Variants in FYB2 observed in about 807,000 individuals in gnomAD.
FYB2 encodes the protein FYN-binding protein 2.
Under a neutral mutation model 94.1 loss-of-function variants are expected in FYB2, and 103 were observed. The observed-to-expected ratio is 1.09, with a 90% CI of 0.93 to 1.29. FYB2 has a LOEUF of 1.29. Ranked by LOEUF, FYB2 falls within the 50% of genes most tolerant of loss-of-function variation. The pLI is 0.00. For missense variants in FYB2, 896 were observed against 841.5 expected, an observed-to-expected ratio of 1.06 and a Z score of -0.80; for synonymous variants, 293 against 287.9, an observed-to-expected ratio of 1.02 and a Z score of -0.18.
intron 12 of FYB2, among the ~76,000 whole-genome samples, chr1:56,741,516 G>T (rs949481241): frequency 6.6e-6 from 1 of 151,944 alleles, no homozygotes; most frequent in Non-Finnish European, 1.5e-5. Context: ...GGGCCTTTAG[G>T]GGGTAGAGTG....
At chr1:56,772,723 A>G (rs1221987904) in intron 4 of FYB2, among the ~76,000 whole-genome samples, 1 of 152,124 alleles carries the variant, frequency 6.6e-6, no homozygotes, top group East Asian at 1.9e-4. Flanking sequence ...CTGGGTAAAT[A>G]CCTTAAGCCT....
intron 9 of FYB2, among the ~76,000 whole-genome samples, chr1:56,745,710 T>C (rs370407992): frequency 1.3e-5 from 2 of 152,034 alleles, no homozygotes; most frequent in African/African-American, 4.8e-5. Context: ...AAAATGCAAA[T>C]CAGGTCATGC....
chr1:56,783,770 C>T (rs1395211556), intron 4 of FYB2, among the ~76,000 whole-genome samples: 1 of 151,984 alleles, frequency 6.6e-6, no homozygotes, highest in African/African-American at 2.4e-5. Context: ...AAATGTTTGG[C>T]CCATAGTGGA....
chr1:56,731,548 A>G (rs1022496578), intron 15 of FYB2, among the ~76,000 whole-genome samples: 1 of 151,918 alleles, frequency 6.6e-6, no homozygotes, highest in African/African-American at 2.4e-5. Flanking sequence ...GGCTGGGGAG[A>G]TTTCAGCTCA....
chr1:56,774,862 G>T (rs532099400), intron 4 of FYB2, among the ~76,000 whole-genome samples: 1 of 152,146 alleles, frequency 6.6e-6, no homozygotes, highest in East Asian at 1.9e-4. Flanking sequence ...GAGTCTTCTG[G>T]CCTCTATCTT....
At chr1:56,744,993 A>G (rs1488337277) in intron 9 of FYB2, among the ~76,000 whole-genome samples, 2 of 152,062 alleles carry the variant, frequency 1.3e-5, no homozygotes, top group Non-Finnish European at 2.9e-5. Context: ...GGTATCTATT[A>G]ATTAAATGAA....
intron 1 of FYB2, among the ~76,000 whole-genome samples, chr1:56,814,182 C>T (rs1406386885): frequency 6.6e-6 from 1 of 152,166 alleles, no homozygotes; most frequent in Non-Finnish European, 1.5e-5. Flanking sequence ...GGCTAGGAAA[C>T]TGGAACATGA....
At chr1:56,739,359 C>G (rs1217568531) in intron 13 of FYB2, among the ~76,000 whole-genome samples, 1 of 152,028 alleles carries the variant, frequency 6.6e-6, no homozygotes, top group African/African-American at 2.4e-5. Flanking sequence ...GCTGACCACA[C>G]TCCCTCTTCT....
At chr1:56,765,714 C>T (rs1025632541) in intron 5 of FYB2, among the ~76,000 whole-genome samples, 3 of 152,104 alleles carry the variant, frequency 2.0e-5, no homozygotes, top group Non-Finnish European at 4.4e-5. Flanking sequence ...CTGACATATT[C>T]GAGGCAAGAA....
intron 1 of FYB2, among the ~76,000 whole-genome samples, chr1:56,795,190 T>A (rs969744684): frequency 6.6e-6 from 1 of 152,128 alleles, no homozygotes; most frequent in Non-Finnish European, 1.5e-5. Flanking sequence ...TGTCTCTGAA[T>A]TTGACTATTC....
intron 1 of FYB2, among the ~76,000 whole-genome samples, chr1:56,817,557 CT>C (rs1252381512): frequency 6.6e-6 from 1 of 152,194 alleles, no homozygotes; most frequent in African/African-American, 2.4e-5. Flanking sequence ...AGGCAGGTAT[CT>C]TCAACCGTTT....
intron 15 of FYB2, among the ~76,000 whole-genome samples, chr1:56,727,452 C>T (rs1186970746): frequency 2.0e-5 from 3 of 151,824 alleles, no homozygotes; most frequent in Admixed American, 2.0e-4. Flanking sequence ...TACTTATCAA[C>T]AATCGAATGG....
intron 1 of FYB2, among the ~76,000 whole-genome samples, chr1:56,796,404 C>T (rs1454791030): frequency 6.6e-6 from 1 of 152,092 alleles, no homozygotes; most frequent in African/African-American, 2.4e-5. Context: ...ATCCCCAAAT[C>T]CCACTGATCT....
At chr1:56,780,620 A>G (rs1399014690) in intron 4 of FYB2, among the ~76,000 whole-genome samples, 3 of 152,164 alleles carry the variant, frequency 2.0e-5, no homozygotes, top group African/African-American at 7.2e-5. Context: ...ACTGTACTTC[A>G]TGGGTGGTTG....
chr1:56,762,505 TTTCAA>T (rs1442009887), intron 5 of FYB2, among the ~76,000 whole-genome samples: 1 of 152,210 alleles, frequency 6.6e-6, no homozygotes, highest in Non-Finnish European at 1.5e-5. Flanking sequence ...ATGATATATT[TTTCAA>T]TTTCAGTATT....
At chr1:56,780,848 A>C (rs1418507996) in intron 4 of FYB2, among the ~76,000 whole-genome samples, 1 of 152,206 alleles carries the variant, frequency 6.6e-6, no homozygotes, top group Non-Finnish European at 1.5e-5. Flanking sequence ...AAAAGGGATA[A>C]TAAGAAATTA....
At chr1:56,778,830 A>G (rs1162454239) in intron 4 of FYB2, among the ~76,000 whole-genome samples, 7 of 152,186 alleles carry the variant, frequency 4.6e-5, no homozygotes, top group Non-Finnish European at 1.5e-5. Flanking sequence ...CAACTAAAAT[A>G]TATACTTAAT....
the FYB2 span, among the ~76,000 whole-genome samples, chr1:56,825,766 G>T: frequency 6.6e-6 from 1 of 152,130 alleles, no homozygotes; most frequent in Admixed American, 6.5e-5. Flanking sequence ...AGTGTGTTGG[G>T]CTAGGCTTTG....
rs780575057 is a variant in FYB2 at position 56,740,776 on chromosome 1, G to A, written c.1624C>T (p.Leu542Phe). Reference protein sequence around the residue: ...PKIDLDGKEALKRLQQFFKKE... With the variant: ...PKIDLDGKEAFKRLQQFFKKE... Reference sequence around the variant, plus strand: ...TTGAAGAATTGCTGCAGTCTTTTGAGTGCTTCTTTTCCATCTAAACTGAGA... The same window carrying A: ...TTGAAGAATTGCTGCAGTCTTTTGAATGCTTCTTTTCCATCTAAACTGAGA... Residue 542 changes from leucine to phenylalanine, a missense_variant, in exon 13 of 20, where the codon CTC (leucine) becomes TTC (phenylalanine). By Grantham distance (22) the Leu-to-Phe change is conservative. Coordinates refer to ENST00000343433, the MANE Select transcript of FYB2 (RefSeq NM_001004303.5). 4 of 1,605,526 alleles carry A rather than the reference G, an allele frequency of 2.5e-6. No homozygotes were observed. The African/African-American group carries it at 5.4e-5, about 22-fold the overall frequency.
Sources: allele counts gnomAD v4.1 joint callset (sites outside exome capture counted in the v4.1 genomes callset), GRCh38; gene constraint gnomAD v4.1.1; transcripts MANE v1.5; gene names NCBI Gene and HGNC (gene_info 2026-07-23, HGNC 2026-07-21).